HDAC4: variants seen among roughly 807,000 people sequenced by gnomAD.
The protein encoded by HDAC4 is histone deacetylase A.
HDAC4 carries 16 observed loss-of-function variants against 135.1 expected under a neutral mutation model. The ratio of observed to expected loss-of-function variants is 0.12; its 90% CI spans 0.08 to 0.18. HDAC4 has a LOEUF of 0.18. Ranked by LOEUF, HDAC4 falls within the 10% of genes least tolerant of loss-of-function variation. The probability of loss-of-function intolerance (pLI) is 1.00; values close to 1 mark genes in which losing one functional copy is unlikely to be tolerated. For synonymous variants in HDAC4, 685 were observed against 653.4 expected (o/e 1.05, Z -0.74); for missense variants, 1,143 against 1,511.8 (o/e 0.76, Z 4.05).
intron 3 of HDAC4, among the ~76,000 whole-genome samples, chr2:239,214,413 T>C (rs1342078428): frequency 6.6e-6 from 1 of 152,154 alleles, no homozygotes; most frequent in African/African-American, 2.4e-5. Context: ...CTCCAGTGAG[T>C]AACAACCCCA....
In HDAC4 at chr2:239,307,754, C is replaced by A. The variant is rs752749962; in HGVS notation, c.22+44924G>T. ...ATTTTCTTCAAGTTCTCTTTTAGAA[C>A]AAGCAAAATGGAATGAGGATGTCGG... On this transcript the variant is annotated intron_variant, in intron 2 of 26. Transcript: ENST00000543185. This position sits in a 1 kb window ranked among gnomAD's most constrained non-coding sequence, Gnocchi z 4.8. Among the ~76,000 whole-genome samples the A allele has an allele frequency of 6.6e-6, 1 of 152,150 alleles. No homozygotes were observed. Among genetic ancestry groups the A allele is most frequent in the South Asian group, 2.1e-4 (1 of 4,830 alleles).
chr2:239,346,540 C>T (rs1296580673), intron 2 of HDAC4, among the ~76,000 whole-genome samples: 10 of 125,806 alleles, frequency 7.9e-5, no homozygotes, highest in Non-Finnish European at 1.8e-4. Flanking sequence ...CACCCTAAAA[C>T]ACACAAACAC....
In HDAC4 at chr2:239,176,480, C is replaced by A. The variant is rs761993203; in HGVS notation, c.423G>T (p.Gln141His). The A allele has an allele frequency of 1.5e-5, 24 of 1,613,580 alleles. No individual in the cohort carries two copies. The highest frequency in any genetic ancestry group is 2.0e-5 in the Non-Finnish European group (24 of 1,179,848). ...QRKLERHRQE[Q>H]ELEKQHREQK... ...GCTCCCGGTGCTGCTTCTCCAGCTC[C>A]TGCTCCTGGCGGTGCCTCTCCAGCT... Residue 141 changes from glutamine (Q) to histidine (H), a missense_variant, in exon 5 of 27, where the codon CAG becomes CAT. Transcript: ENST00000543185.
chr2:239,062,765 G>A (rs530976448), intron 24 of HDAC4, among the ~76,000 whole-genome samples: 3 of 152,330 alleles, frequency 2.0e-5, no homozygotes, highest in South Asian at 4.1e-4. Context: ...CCAGCCTGTC[G>A]CTGGCCAGCT....
intron 7 of HDAC4, 117 bp from the exon 8 acceptor site, chr2:239,144,831 G>A (rs1429371799): frequency 7.9e-6 from 8 of 1,008,116 alleles, no homozygotes; most frequent in East Asian, 2.5e-5. Flanking sequence ...CAACACTGCT[G>A]TGTTGCTGCA....
At chr2:239,365,636 G>A (rs1345664605) in intron 1 of HDAC4, among the ~76,000 whole-genome samples, 3 of 152,014 alleles carry the variant, frequency 2.0e-5, no homozygotes, top group Admixed American at 6.6e-5. Flanking sequence ...ATGTGGCACC[G>A]AGGGACATGG....
rs148674174 is a variant in HDAC4, at chr2:239,159,849, G to A, written c.612-3076C>T. Among the ~76,000 whole-genome samples the A allele has an allele frequency of 6.2e-3, 946 of 152,388 alleles. 4 individuals carry two copies. Among genetic ancestry groups the A allele is most frequent in the Non-Finnish European group, 8.0e-3 (542 of 68,038 alleles). On this transcript the variant is annotated intron_variant, in intron 6 of 26. Transcript: ENST00000543185. ...TGCAGCCTGGGGATGGGACACAGAC[G>A]CTGGGCCAGGAGCCGAGGTGCAGCC...
At chr2:239,223,286 C>T (rs1390502677) in intron 3 of HDAC4, among the ~76,000 whole-genome samples, 1 of 152,194 alleles carries the variant, frequency 6.6e-6, no homozygotes, top group East Asian at 1.9e-4. Context: ...GAGAGGGCAC[C>T]AAGGACGAGG....
intron 2 of HDAC4, among the ~76,000 whole-genome samples, chr2:239,288,484 A>G (rs2051262939): frequency 6.6e-6 from 1 of 152,220 alleles, no homozygotes; most frequent in Admixed American, 6.5e-5. Flanking sequence ...TAAACACAGG[A>G]ATTGGAGAGG....
At chr2:239,094,033 C>T in intron 17 of HDAC4, 2 of 985,390 alleles carry the variant, frequency 2.0e-6, no homozygotes, top group Middle Eastern at 5.2e-4. Context: ...GTTTCATTTC[C>T]ATAACAGAAT....
At chr2:239,213,726 A>G (rs2046466634) in intron 3 of HDAC4, among the ~76,000 whole-genome samples, 1 of 152,238 alleles carries the variant, frequency 6.6e-6, no homozygotes, top group Admixed American at 6.5e-5. Flanking sequence ...CATTCAGCAC[A>G]CACTGAAATA....
Position 239,051,726 on chromosome 2 carries a change from T to G in HDAC4, c.*1371A>C, listed in dbSNP as rs2030883550. On this transcript the variant is annotated 3_prime_UTR_variant, in exon 27 of 27. Transcript: ENST00000543185. ...GCGAATGTGTTGGCGATCTGAAATCTAGCCAATCTGGAGCTTGAGAAAACA... is the reference window on the plus strand; with the variant it reads ...GCGAATGTGTTGGCGATCTGAAATCGAGCCAATCTGGAGCTTGAGAAAACA... The G allele has an allele frequency of 6.6e-6, 1 of 152,592 alleles. No homozygotes were observed. The highest frequency in any genetic ancestry group is 6.5e-5 in the Admixed American group (1 of 15,286). The allele number at this position is 152,592 out of a possible 1,614,324, so 9.5% of individuals were successfully genotyped here.
chr2:239,220,413 A>AAGCAATTAG (rs1229586542), intron 3 of HDAC4, among the ~76,000 whole-genome samples: 4 of 152,236 alleles, frequency 2.6e-5, no homozygotes, highest in African/African-American at 9.6e-5. Context: ...TAGAAAATTA[A>AAGCAATTAG]AGCATACACT....
rs148802855 is a variant in HDAC4, at chr2:239,144,981, G to C, written c.734-267C>G. Among the ~76,000 whole-genome samples, 1,037 of 152,320 alleles carry C rather than the reference G, an allele frequency of 6.8e-3. 41 individuals are homozygous for C. Among genetic ancestry groups the C allele is most frequent in the Admixed American group, 0.052 (788 of 15,300 alleles). ...TGCAAGCGCTGGCACTGTCTTCACAGAATCAGGCCACCACTGTTTACCAGG... is the reference window on the plus strand; with the variant it reads ...TGCAAGCGCTGGCACTGTCTTCACACAATCAGGCCACCACTGTTTACCAGG... On this transcript the variant is annotated intron_variant, in intron 7 of 26. Coordinates refer to ENST00000543185, the MANE Select transcript of HDAC4 (RefSeq NM_001378414.1).
At chr2:239,151,442 C>T (rs2042114001) in intron 7 of HDAC4, among the ~76,000 whole-genome samples, 1 of 152,202 alleles carries the variant, frequency 6.6e-6, no homozygotes, top group African/African-American at 2.4e-5. Flanking sequence ...ACCCTATCTG[C>T]ACATCTAAGC....
chr2:239,118,733 T>G (rs976278523), intron 12 of HDAC4, among the ~76,000 whole-genome samples: 1 of 152,088 alleles, frequency 6.6e-6, no homozygotes, highest in Non-Finnish European at 1.5e-5. Context: ...CTGTTTCCGG[T>G]TAGACTTTCA....
In HDAC4 at chr2:239,400,791, G is replaced by C. The variant is rs2126148659; in HGVS notation, c.-220+187C>G. 6.8e-6 allele frequency: 1 copy of C among 146,178 alleles called. No homozygotes were observed. Among genetic ancestry groups the C allele is most frequent in the Admixed American group, 6.8e-5 (1 of 14,692 alleles). 9.1% of individuals were successfully genotyped at this position (146,178 alleles called of 1,614,324 possible). A position where few individuals can be genotyped will look rare whatever the true frequency, so the allele number is the denominator to read the frequency against. On this transcript the variant is annotated intron_variant, in intron 1 of 26. Coordinates refer to ENST00000543185, the MANE Select transcript of HDAC4 (RefSeq NM_001378414.1). This position sits in a 1 kb window ranked among gnomAD's most constrained non-coding sequence, Gnocchi z 4.7. ...CCCGCCGGCGCGCGGGCTCGGGCTC[G>C]GGCGGCGACAGCCGGGACGCGGCCA...
At chr2:239,381,174 A>G (rs1051359072) in intron 1 of HDAC4, among the ~76,000 whole-genome samples, 3 of 152,254 alleles carry the variant, frequency 2.0e-5, no homozygotes, top group African/African-American at 7.2e-5. Context: ...CGCCTTCCTC[A>G]ATCACTACAA....
chr2:239,136,036 G>T (rs1360111378), intron 9 of HDAC4, among the ~76,000 whole-genome samples: 1 of 152,098 alleles, frequency 6.6e-6, no homozygotes, highest in African/African-American at 2.4e-5. Context: ...AACGTGTTTT[G>T]CTAAAAAGGA....
Sources: allele counts gnomAD v4.1 joint callset (sites outside exome capture counted in the v4.1 genomes callset), GRCh38; gene constraint gnomAD v4.1.1; non-coding constraint Gnocchi (gnomAD v3.1); transcripts MANE v1.5; gene names NCBI Gene and HGNC (gene_info 2026-07-23, HGNC 2026-07-21).